CTNNA3: variants seen among roughly 807,000 people sequenced by gnomAD.
CTNNA3 encodes the protein catenin alpha-3.
A neutral mutation model predicts 95.7 loss-of-function variants in CTNNA3; 76 were observed. The observed-to-expected ratio is 0.79, with a 90% CI of 0.66 to 0.96. The LOEUF is 0.96. CTNNA3 is among the 40% of genes least tolerant of loss of function. The pLI, the probability that CTNNA3 is intolerant of heterozygous loss-of-function variation, is 0.00. For synonymous variants in CTNNA3, 431 were observed against 374.4 expected, an observed-to-expected ratio of 1.15 and a Z score of -1.74; for missense variants, 1,191 against 1,089.8, an observed-to-expected ratio of 1.09 and a Z score of -1.31.
intron 5 of CTNNA3, among the ~76,000 whole-genome samples, chr10:67,467,042 G>A (rs917383511): frequency 5.3e-5 from 8 of 152,112 alleles, no homozygotes; most frequent in Admixed American, 1.3e-4. Context: ...GGAGGCTGAG[G>A]TGGGAGGATC....
chr10:67,743,871 G>A (rs1434271724), intron 1 of CTNNA3, among the ~76,000 whole-genome samples: 2 of 150,912 alleles, frequency 1.3e-5, no homozygotes, highest in Non-Finnish European at 3.0e-5. Flanking sequence ...GACAAACAGA[G>A]AGCCAAATCA....
intron 7 of CTNNA3, among the ~76,000 whole-genome samples, chr10:66,924,586 ATC>A (rs1846960552): frequency 6.6e-6 from 1 of 152,222 alleles, no homozygotes; most frequent in African/African-American, 2.4e-5. Flanking sequence ...GACTGAGTAA[ATC>A]TCAGAAATCC....
intron 7 of CTNNA3, among the ~76,000 whole-genome samples, chr10:67,124,604 C>A (rs1460951630): frequency 6.6e-6 from 1 of 151,956 alleles, no homozygotes; most frequent in Admixed American, 6.6e-5. Context: ...GAGAAATAAT[C>A]CATTTAGTGT....
intron 5 of CTNNA3, among the ~76,000 whole-genome samples, chr10:67,253,193 G>A (rs145067665): frequency 1.2e-3 from 183 of 152,212 alleles, no homozygotes; most frequent in African/African-American, 4.1e-3. Flanking sequence ...CCTGATAACC[G>A]AGAGGGCTAC....
At chr10:66,925,435 A>T (rs1294457230) in intron 7 of CTNNA3, among the ~76,000 whole-genome samples, 3 of 152,198 alleles carry the variant, frequency 2.0e-5, no homozygotes, top group Non-Finnish European at 2.9e-5. Flanking sequence ...CTTCTAATTA[A>T]AAGAGAATTA....
intron 13 of CTNNA3, among the ~76,000 whole-genome samples, chr10:66,107,597 T>G (rs1035442667): frequency 3.3e-5 from 5 of 152,136 alleles, no homozygotes; most frequent in African/African-American, 9.7e-5. Flanking sequence ...AGTAATACAT[T>G]AAGACTTCAG....
chr10:66,281,970 TA>T (rs1300680892), intron 12 of CTNNA3, among the ~76,000 whole-genome samples: 1 of 151,886 alleles, frequency 6.6e-6, no homozygotes, highest in Non-Finnish European at 1.5e-5. Flanking sequence ...ATATAGCTAT[TA>T]AAAATTAAAT....
intron 1 of CTNNA3, among the ~76,000 whole-genome samples, chr10:67,678,681 C>T (rs1203623170): frequency 1.3e-5 from 2 of 152,098 alleles, no homozygotes; most frequent in Non-Finnish European, 2.9e-5. Flanking sequence ...GAGCCACAGA[C>T]TTTAAATGAA....
At chr10:66,665,426 G>C (rs1282592823) in intron 9 of CTNNA3, among the ~76,000 whole-genome samples, 1 of 152,178 alleles carries the variant, frequency 6.6e-6, no homozygotes, top group Non-Finnish European at 1.5e-5. Flanking sequence ...TTTGCATGCT[G>C]TAATTTCAAT....
chr10:67,711,365 T>A (rs545774732), intron 1 of CTNNA3, among the ~76,000 whole-genome samples: 1 of 152,216 alleles, frequency 6.6e-6, no homozygotes. Context: ...CCCTAGAAAC[T>A]TGTTGAATGA....
At chr10:66,103,319 A>T in intron 13 of CTNNA3, 70 bp from the exon 14 acceptor site, 1 of 1,199,930 alleles carries the variant, frequency 8.3e-7, no homozygotes, top group Non-Finnish European at 1.2e-6. Flanking sequence ...ACAACGCGGC[A>T]GTACCTTAAA....
At chr10:66,615,367 C>A (rs1844474476) in intron 10 of CTNNA3, among the ~76,000 whole-genome samples, 1 of 151,872 alleles carries the variant, frequency 6.6e-6, no homozygotes, top group Admixed American at 6.6e-5. Flanking sequence ...AAGTCAGTCC[C>A]CATATCACGC....
At chr10:66,084,637 C>T (rs1055832796) in intron 14 of CTNNA3, among the ~76,000 whole-genome samples, 2 of 152,066 alleles carry the variant, frequency 1.3e-5, no homozygotes, top group Non-Finnish European at 2.9e-5. Context: ...AATGTTTTAT[C>T]TGTATACACA....
intron 10 of CTNNA3, among the ~76,000 whole-genome samples, chr10:66,564,155 G>A (rs1475612329): frequency 6.6e-6 from 1 of 152,170 alleles, no homozygotes; most frequent in East Asian, 1.9e-4. Context: ...AGGAATAATC[G>A]ATACAGTTTT....
intron 3 of CTNNA3, among the ~76,000 whole-genome samples, chr10:67,570,749 T>C (rs1364561825): frequency 6.6e-6 from 1 of 152,190 alleles, no homozygotes; most frequent in East Asian, 1.9e-4. Context: ...TTATTTTCTC[T>C]TTTTGAAATA....
intron 2 of CTNNA3, among the ~76,000 whole-genome samples, chr10:67,614,108 T>C (rs1843568715): frequency 6.6e-6 from 1 of 152,188 alleles, no homozygotes; most frequent in Non-Finnish European, 1.5e-5. Flanking sequence ...ATTCCCTTAT[T>C]TGTCCCCGCC....
intron 11 of CTNNA3, among the ~76,000 whole-genome samples, chr10:66,495,506 G>A (rs111800261): frequency 1.1e-4 from 17 of 152,296 alleles, no homozygotes; most frequent in African/African-American, 4.1e-4. Context: ...AAAGATCAAT[G>A]TAGTAATCAA....
At chr10:67,341,301 T>C (rs536733977) in intron 5 of CTNNA3, among the ~76,000 whole-genome samples, 2 of 152,294 alleles carry the variant, frequency 1.3e-5, no homozygotes, top group East Asian at 3.9e-4. Flanking sequence ...TCTACTTTTT[T>C]TTTGTACCCA....
intron 4 of CTNNA3, among the ~76,000 whole-genome samples, chr10:67,537,283 C>T (rs1589401615): frequency 6.6e-6 from 1 of 152,048 alleles, no homozygotes; most frequent in African/African-American, 2.4e-5. Flanking sequence ...AGTTAAGTTC[C>T]AAAAGTTTTA....
Sources: gnomAD v4.1 joint callset for allele counts (sites outside exome capture counted in the v4.1 genomes callset) on GRCh38, gnomAD v4.1.1 for gene constraint, MANE v1.5 for transcripts, NCBI Gene and HGNC (gene_info 2026-07-23, HGNC 2026-07-21) for gene names.